NTM: variants seen among roughly 807,000 people sequenced by gnomAD.
NTM encodes the protein IgLON family member 2.
NTM carries 13 observed loss-of-function variants against 42.1 expected under a neutral mutation model. The ratio of observed to expected loss-of-function variants is 0.31; its 90% CI spans 0.20 to 0.49. NTM has a LOEUF of 0.49. Among genes scored for constraint, NTM ranks in the 20% least tolerant of loss-of-function variants. The pLI, the probability that NTM is intolerant of heterozygous loss-of-function variation, is 0.99. For synonymous variants in NTM, 187 were observed against 179.2 expected, an observed-to-expected ratio of 1.04 and a Z score of -0.35; for missense variants, 373 against 452.8, an observed-to-expected ratio of 0.82 and a Z score of 1.60.
At chr11:131,525,997 T>C (rs1023059078) in intron 1 of NTM, among the ~76,000 whole-genome samples, 4 of 152,192 alleles carry the variant, frequency 2.6e-5, no homozygotes, top group African/African-American at 9.6e-5. Flanking sequence ...TCCCACGGTG[T>C]TGAGATTCAA....
rs575771553 is a variant in NTM at position 132,173,824 on chromosome 11, T to C, written c.400+27310T>C. Among the ~76,000 whole-genome samples the C allele has an allele frequency of 2.0e-5, 3 of 152,354 alleles. No homozygotes were observed. In the South Asian group the frequency reaches 6.2e-4, roughly 32 times the overall value. ...TGTTGCTTCCACTCTCTTGTTCTTC[T>C]GTAACAGGTAGCAGTTGTTTTTGAA... On this transcript the variant is annotated intron_variant, in intron 3 of 8. Coordinates refer to ENST00000683400, the MANE Select transcript of NTM (RefSeq NM_001352005.2).
chr11:132,131,733 G>A (rs933572542), intron 2 of NTM, among the ~76,000 whole-genome samples: 5 of 152,180 alleles, frequency 3.3e-5, no homozygotes, highest in African/African-American at 9.7e-5. Context: ...TCTTGAACAA[G>A]TGATTCTCAA....
At chr11:132,023,081 G>A (rs2074592219) in intron 2 of NTM, among the ~76,000 whole-genome samples, 1 of 152,204 alleles carries the variant, frequency 6.6e-6, no homozygotes, top group Admixed American at 6.5e-5. Flanking sequence ...GAGGACCTGG[G>A]TTTGCAGAGG....
chr11:132,253,099 G>A (rs2092137366), intron 4 of NTM, among the ~76,000 whole-genome samples: 1 of 152,130 alleles, frequency 6.6e-6, no homozygotes, highest in African/African-American at 2.4e-5. Context: ...CAACAACAAT[G>A]TTTCTAGAAT....
At chr11:132,201,787 G>A (rs1052641638) in intron 3 of NTM, among the ~76,000 whole-genome samples, 2 of 152,194 alleles carry the variant, frequency 1.3e-5, no homozygotes, top group Non-Finnish European at 2.9e-5. Flanking sequence ...TTCACTAAGT[G>A]CTTTCAATTA....
chr11:131,443,906 T>G lies in NTM; in HGVS notation c.82+73018T>G, dbSNP rs150669888. Among the ~76,000 whole-genome samples, 18 of 152,286 alleles carry G rather than the reference T, an allele frequency of 1.2e-4. No homozygotes were observed. The East Asian group carries it at 3.5e-3, about 29-fold the overall frequency. ...AGGAAGATACCTCCATACCTACATT[T>G]GAGTCTTCAGATAAAACTATAGTTC... On this transcript the variant is annotated intron_variant, in intron 1 of 8. Transcript: ENST00000683400.
chr11:131,998,361 C>T (rs1018915404), intron 2 of NTM, among the ~76,000 whole-genome samples: 12 of 152,126 alleles, frequency 7.9e-5, no homozygotes, highest in African/African-American at 2.2e-4. Context: ...AATCAGTATC[C>T]GGCATGTGGC....
At chr11:131,438,685 A>G (rs566546410) in intron 1 of NTM, among the ~76,000 whole-genome samples, 1 of 152,280 alleles carries the variant, frequency 6.6e-6, no homozygotes, top group African/African-American at 2.4e-5. Context: ...CATTCGTCTA[A>G]TCTTTTTTCA....
At chr11:132,250,699 C>T (rs1218711693) in intron 4 of NTM, among the ~76,000 whole-genome samples, 4 of 149,486 alleles carry the variant, frequency 2.7e-5, no homozygotes, top group Non-Finnish European at 5.9e-5. Context: ...TTTTTCTTTT[C>T]TAGAAGTCCT....
chr11:132,245,268 C>T (rs1441459948), intron 4 of NTM, among the ~76,000 whole-genome samples: 1 of 151,936 alleles, frequency 6.6e-6, no homozygotes, highest in Admixed American at 6.6e-5. Flanking sequence ...ACTGTCCAGG[C>T]GGGGGAGAGG....
intron 2 of NTM, among the ~76,000 whole-genome samples, chr11:132,127,105 C>T (rs531772847): frequency 2.0e-5 from 3 of 152,102 alleles, no homozygotes; most frequent in Admixed American, 1.3e-4. Context: ...TTTCAAACTG[C>T]CCCCCAAAGT....
intron 1 of NTM, among the ~76,000 whole-genome samples, chr11:131,427,615 TC>T (rs1206989941): frequency 2.0e-5 from 3 of 152,338 alleles, no homozygotes. Context: ...TACCTGTACT[TC>T]CCACTTCACC....
intron 2 of NTM, among the ~76,000 whole-genome samples, chr11:132,075,925 G>T (rs11222901): frequency 0.27 from 41,270 of 151,998 alleles, 5,964 homozygotes; most frequent in African/African-American, 0.35. Context: ...CTTTTTATTG[G>T]TGGCATTTAC....
intron 1 of NTM, among the ~76,000 whole-genome samples, chr11:131,872,544 T>C (rs912134601): frequency 4.6e-5 from 7 of 152,198 alleles, no homozygotes; most frequent in African/African-American, 2.4e-5. Context: ...TGGCTCTCTG[T>C]CAAATTTTGG....
At chr11:132,091,343 G>A (rs936098882) in intron 2 of NTM, among the ~76,000 whole-genome samples, 1 of 152,026 alleles carries the variant, frequency 6.6e-6, no homozygotes, top group Non-Finnish European at 1.5e-5. Flanking sequence ...GGGAGGTGGA[G>A]GTTGCAGTGA....
At chr11:132,106,954 G>A (rs774056368) in intron 2 of NTM, among the ~76,000 whole-genome samples, 3 of 151,790 alleles carry the variant, frequency 2.0e-5, no homozygotes, top group Non-Finnish European at 2.9e-5. Flanking sequence ...TTTTAGTGCC[G>A]GTCTTTGTGA....
intron 1 of NTM, among the ~76,000 whole-genome samples, chr11:131,744,077 T>C (rs2081503519): frequency 6.6e-6 from 1 of 152,196 alleles, no homozygotes; most frequent in Non-Finnish European, 1.5e-5. Flanking sequence ...CTTCCTGTCT[T>C]TGGGGACAGC....
chr11:131,912,452 A>AT (rs2055357383), intron 2 of NTM, among the ~76,000 whole-genome samples: 1 of 152,184 alleles, frequency 6.6e-6, no homozygotes, highest in Non-Finnish European at 1.5e-5. Flanking sequence ...TGCTTTGTGT[A>AT]AGGTAGAATG....
chr11:131,871,868 T>A (rs1459593114), intron 1 of NTM, among the ~76,000 whole-genome samples: 1 of 152,194 alleles, frequency 6.6e-6, no homozygotes, highest in East Asian at 1.9e-4. Context: ...CTCTTCCTTG[T>A]TTCCCTGCAG....
Sources: allele counts gnomAD v4.1 joint callset (sites outside exome capture counted in the v4.1 genomes callset), GRCh38; gene constraint gnomAD v4.1.1; transcripts MANE v1.5; gene names NCBI Gene and HGNC (gene_info 2026-07-23, HGNC 2026-07-21).